Variants in POU3F3 observed in about 807,000 individuals in gnomAD.
The protein encoded by POU3F3 is POU class 3 homeobox 3.
A neutral mutation model predicts 8.6 loss-of-function variants in POU3F3; 1 was observed. The ratio of observed to expected loss-of-function variants is 0.12; its 90% confidence interval spans 0.04 to 0.55. The LOEUF is 0.55. Ranked by LOEUF, POU3F3 falls within the 20% of genes least tolerant of loss-of-function variation. The pLI, the probability that POU3F3 is intolerant of heterozygous loss-of-function variation, is 0.91. For synonymous variants in POU3F3, 418 were observed against 327.4 expected (o/e 1.28, Z -2.99); for missense variants, 577 against 690.7 (o/e 0.84, Z 1.84).
At chr2:104,894,606 C>T in the POU3F3 span, among the ~76,000 whole-genome samples, 1 of 147,974 alleles carries the variant, frequency 6.8e-6, no homozygotes, top group Non-Finnish European at 1.5e-5. Flanking sequence ...ACCTCCTGAC[C>T]CAGGTGCCCC....
At chr2:104,888,188 G>A in the POU3F3 span, among the ~76,000 whole-genome samples, 2 of 152,232 alleles carry the variant, frequency 1.3e-5, no homozygotes, top group Non-Finnish European at 2.9e-5. Flanking sequence ...GCCTTGTTCT[G>A]TGTGTGCGAA....
the POU3F3 span, among the ~76,000 whole-genome samples, chr2:104,925,509 C>T: frequency 6.6e-6 from 1 of 152,048 alleles, no homozygotes; most frequent in Non-Finnish European, 1.5e-5. Context: ...GGGGAGGAGG[C>T]CACTGGACCA....
At chr2:104,887,407 G>T in the POU3F3 span, among the ~76,000 whole-genome samples, 2 of 152,172 alleles carry the variant, frequency 1.3e-5, no homozygotes, top group Non-Finnish European at 2.9e-5. Flanking sequence ...ACATGTCTTA[G>T]AATGCATCTC....
chr2:104,905,091 G>C, the POU3F3 span, among the ~76,000 whole-genome samples: 1 of 152,170 alleles, frequency 6.6e-6, no homozygotes, highest in Non-Finnish European at 1.5e-5. Context: ...ATTTGGAAAT[G>C]AGCATCTGGA....
the POU3F3 span, among the ~76,000 whole-genome samples, chr2:104,899,220 T>G: frequency 6.6e-6 from 1 of 152,206 alleles, no homozygotes; most frequent in East Asian, 1.9e-4. Flanking sequence ...GGGTTGTGTG[T>G]GCCTGCTGTG....
At chr2:104,916,576 GT>G in the POU3F3 span, among the ~76,000 whole-genome samples, 1 of 152,148 alleles carries the variant, frequency 6.6e-6, no homozygotes, top group Non-Finnish European at 1.5e-5. Context: ...ATGACATGGT[GT>G]TTGACGTCCC....
chr2:104,858,680 C>G (rs1369463882), downstream of POU3F3: 1 of 152,190 alleles, frequency 6.6e-6, no homozygotes, highest in Non-Finnish European at 1.5e-5. Context: ...GGAAGTAGAG[C>G]CTGCTCCACT....
At chr2:104,917,591 C>T in the POU3F3 span, among the ~76,000 whole-genome samples, 1 of 152,120 alleles carries the variant, frequency 6.6e-6, no homozygotes, top group African/African-American at 2.4e-5. Flanking sequence ...GAAGTGGGCA[C>T]AGTCTGTGTA....
At chr2:104,871,238 A>C in the POU3F3 span, among the ~76,000 whole-genome samples, 1 of 152,260 alleles carries the variant, frequency 6.6e-6, no homozygotes, top group Non-Finnish European at 1.5e-5. Flanking sequence ...GTAACTTGGC[A>C]GAGCCAGAAA....
At chr2:104,864,148 G>T in the POU3F3 span, among the ~76,000 whole-genome samples, 2 of 152,246 alleles carry the variant, frequency 1.3e-5, no homozygotes, top group African/African-American at 4.8e-5. Flanking sequence ...TAGGCCTGCG[G>T]GGAGATCCTG....
the POU3F3 span, among the ~76,000 whole-genome samples, chr2:104,879,487 T>G: frequency 6.6e-6 from 1 of 151,900 alleles, no homozygotes; most frequent in Non-Finnish European, 1.5e-5. Flanking sequence ...TTTCCCAATT[T>G]CTTTGAAAAA....
At chr2:104,892,862 C>T in the POU3F3 span, among the ~76,000 whole-genome samples, 4 of 151,856 alleles carry the variant, frequency 2.6e-5, no homozygotes, top group East Asian at 5.8e-4. Flanking sequence ...TGGGGCTGGC[C>T]GATTCATGCT....
At chr2:104,920,427 A>G in the POU3F3 span, among the ~76,000 whole-genome samples, 1 of 152,130 alleles carries the variant, frequency 6.6e-6, no homozygotes, top group South Asian at 2.1e-4. Flanking sequence ...CCAACTGACT[A>G]TCTCCAATGT....
chr2:104,909,313 C>T, the POU3F3 span, among the ~76,000 whole-genome samples: 3 of 152,190 alleles, frequency 2.0e-5, no homozygotes, highest in Non-Finnish European at 4.4e-5. Context: ...ATGGTCCCAG[C>T]GGTCTGGAGG....
chr2:104,909,145 G>A, the POU3F3 span, among the ~76,000 whole-genome samples: 12 of 152,090 alleles, frequency 7.9e-5, no homozygotes, highest in Admixed American at 2.6e-4. Flanking sequence ...AAAATTAATC[G>A]TGTAACATTG....
the POU3F3 span, among the ~76,000 whole-genome samples, chr2:104,869,267 A>G: frequency 6.6e-6 from 1 of 152,222 alleles, no homozygotes; most frequent in Non-Finnish European, 1.5e-5. Flanking sequence ...GGTACAGGGG[A>G]CAGGTTCTGA....
the POU3F3 span, among the ~76,000 whole-genome samples, chr2:104,884,801 C>G: frequency 5.1e-4 from 78 of 152,240 alleles, no homozygotes; most frequent in Non-Finnish European, 9.8e-4. Context: ...TCTTAGTGAT[C>G]GTCTTATTGG....
the POU3F3 span, chr2:104,865,948 T>G: frequency 6.6e-6 from 1 of 152,298 alleles, no homozygotes; most frequent in Non-Finnish European, 1.5e-5. Flanking sequence ...GTGACAATGG[T>G]GAAAAAGCCA....
At chr2:104,889,525 T>C in the POU3F3 span, among the ~76,000 whole-genome samples, 1 of 152,184 alleles carries the variant, frequency 6.6e-6, no homozygotes, top group African/African-American at 2.4e-5. Flanking sequence ...ATAGTATTTA[T>C]ATACCTTACA....
Sources: allele counts gnomAD v4.1 joint callset (sites outside exome capture counted in the v4.1 genomes callset), GRCh38; gene constraint gnomAD v4.1.1; transcripts MANE v1.5; gene names NCBI Gene and HGNC (gene_info 2026-07-23, HGNC 2026-07-21).